Variants in OLAH observed in about 807,000 individuals in gnomAD.
The protein encoded by OLAH is oleoyl-ACP hydrolase, also known as S-acyl fatty acid synthase thioesterase, medium chain.
OLAH carries 33 observed loss-of-function variants against 27.8 expected under a neutral mutation model. The ratio of observed to expected loss-of-function variants is 1.19; its 90% CI spans 0.90 to 1.59. The LOEUF is 1.59. OLAH is among the 40% of genes most tolerant of loss of function. The pLI, the probability that OLAH is intolerant of heterozygous loss-of-function variation, is 0.00. For synonymous variants in OLAH, 120 were observed against 102.9 expected, an observed-to-expected ratio of 1.17 and a Z score of -1.01; for missense variants, 359 against 310.8, an observed-to-expected ratio of 1.16 and a Z score of -1.17.
chr10:15,061,475 C>T (rs1388831760), intron 3 of OLAH, among the ~76,000 whole-genome samples: 2 of 151,600 alleles, frequency 1.3e-5, no homozygotes, highest in Non-Finnish European at 2.9e-5. Flanking sequence ...ATTTTCAGTT[C>T]CTTTGTTTTT....
intron 5 of OLAH, among the ~76,000 whole-genome samples, chr10:15,065,338 C>A (rs191375194): frequency 2.8e-4 from 43 of 152,318 alleles, no homozygotes; most frequent in Admixed American, 1.1e-3. Context: ...GGAGAAAGAT[C>A]CTGCCTGTCC....
upstream of OLAH, among the ~76,000 whole-genome samples, chr10:15,039,364 G>A (rs889795443): frequency 6.6e-6 from 1 of 150,380 alleles, no homozygotes; most frequent in Non-Finnish European, 1.5e-5. Flanking sequence ...GATCACCTGA[G>A]GTCAGGAGTT....
chr10:15,042,012 T>G (rs761726311), upstream of OLAH, among the ~76,000 whole-genome samples: 1 of 151,830 alleles, frequency 6.6e-6, no homozygotes, highest in Non-Finnish European at 1.5e-5. Context: ...TAAATGCTAG[T>G]GATTCTCAGG....
chr10:15,058,803 A>C (rs941279731), intron 3 of OLAH, among the ~76,000 whole-genome samples: 2 of 152,166 alleles, frequency 1.3e-5, no homozygotes, highest in African/African-American at 4.8e-5. Context: ...GTGTCTAAAA[A>C]GTCTTTAACT....
intron 1 of OLAH, among the ~76,000 whole-genome samples, chr10:15,045,291 G>C (rs182637836): frequency 6.6e-6 from 1 of 152,296 alleles, no homozygotes; most frequent in East Asian, 1.9e-4. Context: ...CAATTAGAAG[G>C]AGTTGGAGTA....
At chr10:15,055,901 G>C (rs1475632625) in intron 3 of OLAH, among the ~76,000 whole-genome samples, 2 of 150,738 alleles carry the variant, frequency 1.3e-5, no homozygotes, top group Non-Finnish European at 2.9e-5. Context: ...TCAGGCTGGA[G>C]TGCAGTGGCA....
chr10:15,047,244 C>T lies in OLAH; in HGVS notation c.-45C>T. On this transcript the variant is annotated 5_prime_UTR_variant, in exon 2 of 8. Transcript: ENST00000378228. ...GAGGAACTGACTTCTGTTGAGCACTCAACACGCCACAGAGACCAGCCATCT... is the reference window on the plus strand; with the variant it reads ...GAGGAACTGACTTCTGTTGAGCACTTAACACGCCACAGAGACCAGCCATCT... 3 of 1,608,466 alleles carry T rather than the reference C, an allele frequency of 1.9e-6. No homozygotes were observed. The highest frequency in any genetic ancestry group is 1.7e-4 in the Middle Eastern group (1 of 6,046).
chr10:15,069,850 A>C (rs1275164691), intron 6 of OLAH, among the ~76,000 whole-genome samples: 1 of 152,084 alleles, frequency 6.6e-6, no homozygotes, highest in Non-Finnish European at 1.5e-5. Flanking sequence ...CGGGCAATAG[A>C]GCGAGACTCC....
intron 1 of OLAH, among the ~76,000 whole-genome samples, chr10:15,046,626 C>G (rs1844023449): frequency 6.6e-6 from 1 of 151,952 alleles, no homozygotes; most frequent in African/African-American, 2.4e-5. Context: ...GGCCACATAT[C>G]CGGCTAATTT....
intron 1 of OLAH, 93 bp from the exon 2 acceptor site, chr10:15,047,033 C>A (rs1295103250): frequency 1.2e-5 from 5 of 416,228 alleles, no homozygotes; most frequent in Non-Finnish European, 2.2e-5. Flanking sequence ...GGTTCTAACC[C>A]ATTTCTTCTT....
chr10:15,056,807 A>G, intron 3 of OLAH: 1 of 1,451,914 alleles, frequency 6.9e-7, no homozygotes, highest in Non-Finnish European at 9.1e-7. Context: ...ATTTTATTTT[A>G]TTTTATTTTT....
upstream of OLAH, among the ~76,000 whole-genome samples, chr10:15,042,313 A>C (rs181982704): frequency 3.7e-3 from 557 of 151,804 alleles, 3 homozygotes; most frequent in African/African-American, 0.013. Flanking sequence ...CATCACGCCC[A>C]GCTAATTTTT....
chr10:15,043,103 A>G (rs12572032), upstream of OLAH, among the ~76,000 whole-genome samples: 29,020 of 151,126 alleles, frequency 0.19, 2,872 homozygotes, highest in South Asian at 0.31. Context: ...CTTGTGATCC[A>G]CCCGCCTTGG....
chr10:15,034,065 G>A (rs1020762340), intron 1 of OLAH, among the ~76,000 whole-genome samples: 1 of 151,864 alleles, frequency 6.6e-6, no homozygotes, highest in African/African-American at 2.4e-5. Flanking sequence ...AAAGAGGTGG[G>A]GGAAGGAACC....
At chr10:15,047,502 C>T (rs1379495653) in intron 2 of OLAH, 182 bp downstream of exon 2, 2 of 611,194 alleles carry the variant, frequency 3.3e-6, no homozygotes, top group African/African-American at 3.7e-5. Flanking sequence ...CAAGACCAGC[C>T]TGGCCGACAT....
chr10:15,043,016 A>G (rs548490651), upstream of OLAH, among the ~76,000 whole-genome samples: 17 of 151,510 alleles, frequency 1.1e-4, no homozygotes, highest in African/African-American at 3.6e-4. Flanking sequence ...GCCCGCCACC[A>G]CACCCAGCTA....
chr10:15,071,345 CTG>C (rs1443897502), intron 6 of OLAH, among the ~76,000 whole-genome samples: 1 of 152,216 alleles, frequency 6.6e-6, no homozygotes, highest in Non-Finnish European at 1.5e-5. Context: ...AGGGCAGGGA[CTG>C]TGTTTGTTTC....
intron 5 of OLAH, 74 bp from the exon 6 acceptor site, chr10:15,065,510 A>G (rs1844449265): frequency 6.8e-7 from 1 of 1,471,892 alleles, no homozygotes; most frequent in Admixed American, 2.4e-5. Flanking sequence ...TTTCCCTTAG[A>G]TCAACAGTTT....
chr10:15,044,739 C>G (rs999314083), intron 1 of OLAH, among the ~76,000 whole-genome samples: 4 of 152,126 alleles, frequency 2.6e-5, no homozygotes, highest in African/African-American at 9.7e-5. Flanking sequence ...GTTCTTGTCT[C>G]TTAGTACTTG....
Sources: allele counts gnomAD v4.1 joint callset (sites outside exome capture counted in the v4.1 genomes callset), GRCh38; gene constraint gnomAD v4.1.1; transcripts MANE v1.5; gene names NCBI Gene and HGNC (gene_info 2026-07-23, HGNC 2026-07-21).